The following LDLRAD4 variants were observed in gnomAD, a reference collection of about 807,000 sequenced individuals.
LDLRAD4 encodes the protein low density lipoprotein receptor class A domain containing 4, also known as low-density lipoprotein receptor class A domain-containing protein 4.
LDLRAD4 carries 5 observed loss-of-function variants against 17.0 expected under a neutral mutation model. The ratio of observed to expected loss-of-function variants is 0.29; its 90% confidence interval spans 0.15 to 0.62. LDLRAD4 has a LOEUF of 0.62. Among genes scored for constraint, LDLRAD4 ranks in the 20% least tolerant of loss-of-function variants. The pLI is 0.84. For synonymous variants in LDLRAD4, 168 were observed against 171.8 expected (o/e 0.98, Z 0.17); for missense variants, 340 against 424.7 (o/e 0.80, Z 1.75).
At chr18:13,588,914 CTTTTTTTTTTCTTTTT>C (rs2094970599) in intron 3 of LDLRAD4, among the ~76,000 whole-genome samples, 1 of 146,968 alleles carries the variant, frequency 6.8e-6, no homozygotes, top group African/African-American at 2.5e-5. Flanking sequence ...TTTTCCTTTT[CTTTTTTTTTTCTTTTT>C]TTCTTTTTTT....
At chr18:13,271,575 C>CAGGGCCTGGCATGTTCACT (rs1438554952) in intron 1 of LDLRAD4, among the ~76,000 whole-genome samples, 3 of 152,352 alleles carry the variant, frequency 2.0e-5, no homozygotes, top group Non-Finnish European at 2.9e-5. Context: ...GCATCTGACA[C>CAGGGCCTGGCATGTTCACT]AGGGCCTGGC....
chr18:13,275,984 C>A (rs906429489), upstream of LDLRAD4, among the ~76,000 whole-genome samples: 5 of 152,116 alleles, frequency 3.3e-5, no homozygotes, highest in African/African-American at 9.7e-5. Context: ...TATTATGTAA[C>A]CCATATTTAA....
At chr18:13,312,784 C>T (rs1303683014) in intron 1 of LDLRAD4, among the ~76,000 whole-genome samples, 1 of 152,050 alleles carries the variant, frequency 6.6e-6, no homozygotes, top group African/African-American at 2.4e-5. Context: ...AAACTGAGTT[C>T]AAGGTTAAAT....
At chr18:13,567,718 CT>C (rs1427030791) in intron 3 of LDLRAD4, among the ~76,000 whole-genome samples, 1 of 150,654 alleles carries the variant, frequency 6.6e-6, no homozygotes, top group African/African-American at 2.4e-5. Flanking sequence ...AGAAAGTTCC[CT>C]TTTGAAAATT....
chr18:13,540,842 G>A (rs184164510), intron 3 of LDLRAD4, among the ~76,000 whole-genome samples: 4 of 152,338 alleles, frequency 2.6e-5, no homozygotes, highest in East Asian at 1.9e-4. Flanking sequence ...TGTCTCGACC[G>A]TGTTTTTCTT....
intron 3 of LDLRAD4, among the ~76,000 whole-genome samples, chr18:13,505,664 A>T (rs2093678775): frequency 6.6e-6 from 1 of 152,014 alleles, no homozygotes. Flanking sequence ...TAAAAATACA[A>T]AATATTACCC....
chr18:13,368,032 A>T (rs1225092169), intron 1 of LDLRAD4, among the ~76,000 whole-genome samples: 2 of 152,112 alleles, frequency 1.3e-5, no homozygotes, highest in African/African-American at 4.8e-5. Context: ...CTGTCTCATA[A>T]AATAAAATAA....
intron 3 of LDLRAD4, among the ~76,000 whole-genome samples, chr18:13,571,408 C>T (rs1044194914): frequency 1.3e-4 from 20 of 152,122 alleles, no homozygotes; most frequent in Admixed American, 9.2e-4. Flanking sequence ...CTGCCATCTC[C>T]GTCCACAGCC....
At chr18:13,612,566 A>C in intron 3 of LDLRAD4, 2 of 1,450,938 alleles carry the variant, frequency 1.4e-6, no homozygotes, top group Non-Finnish European at 9.1e-7. Context: ...CTCCACGCTC[A>C]CACACTCTCC....
intron 1 of LDLRAD4, among the ~76,000 whole-genome samples, chr18:13,313,628 C>T (rs184470590): frequency 2.0e-5 from 3 of 152,342 alleles, no homozygotes; most frequent in East Asian, 1.9e-4. Context: ...TTGGCCCTTA[C>T]GTGTGGATGT....
In LDLRAD4 at chr18:13,354,097, T is replaced by A. The variant is rs1316767961; in HGVS notation, c.-382-33244T>A. On this transcript the variant is annotated intron_variant, in intron 1 of 5. Coordinates refer to ENST00000359446, the Ensembl canonical transcript of LDLRAD4. ...GGTGGTGCACACCTGTAGTCCCAGC[T>A]GCTTGGGAAGTTGAGTTGGGATGAT... is the stretch of plus-strand genomic sequence containing the variant. 2.6e-5 allele frequency among the ~76,000 whole-genome samples: 4 copies of A among 152,202 alleles called. No individual in the cohort carries two copies. In the East Asian group the frequency reaches 7.7e-4, roughly 29 times the overall value.
intron 3 of LDLRAD4, among the ~76,000 whole-genome samples, chr18:13,602,727 T>A (rs1306983494): frequency 2.6e-5 from 4 of 151,892 alleles, no homozygotes; most frequent in Non-Finnish European, 4.4e-5. Flanking sequence ...AGATTACAGG[T>A]GTGAGCCACT....
intron 3 of LDLRAD4, among the ~76,000 whole-genome samples, chr18:13,479,321 T>C (rs1161413469): frequency 6.6e-6 from 1 of 152,200 alleles, no homozygotes; most frequent in African/African-American, 2.4e-5. Context: ...AAAGACACTT[T>C]TAAGTCATTG....
chr18:13,527,177 G>T (rs1033165608), intron 3 of LDLRAD4, among the ~76,000 whole-genome samples: 1 of 152,254 alleles, frequency 6.6e-6, no homozygotes, highest in African/African-American at 2.4e-5. Flanking sequence ...AAGGCTGTGA[G>T]GCAGAGAAGC....
intron 3 of LDLRAD4, chr18:13,616,247 C>G (rs901540293): frequency 4.4e-5 from 2 of 45,038 alleles, no homozygotes; most frequent in African/African-American, 3.0e-4. Flanking sequence ...TGTGGGAGGA[C>G]AGGTGGGGGG....
At chr18:13,590,502 C>G (rs1445934824) in intron 3 of LDLRAD4, among the ~76,000 whole-genome samples, 1 of 152,222 alleles carries the variant, frequency 6.6e-6, no homozygotes, top group Non-Finnish European at 1.5e-5. Flanking sequence ...AGAATGTACA[C>G]GGCCCTGCAG....
chr18:13,266,573 A>G (rs2044231551), intron 1 of LDLRAD4, among the ~76,000 whole-genome samples: 2 of 152,092 alleles, frequency 1.3e-5, no homozygotes, highest in Admixed American at 1.3e-4. Flanking sequence ...CACAGCTGGG[A>G]ATCAGTTATG....
At chr18:13,439,373 G>T (rs2090878112) in intron 3 of LDLRAD4, among the ~76,000 whole-genome samples, 1 of 152,192 alleles carries the variant, frequency 6.6e-6, no homozygotes, top group Non-Finnish European at 1.5e-5. Context: ...AAATGACTGT[G>T]CTCTAGCAAA....
chr18:13,352,383 G>A (rs757534756), intron 1 of LDLRAD4, among the ~76,000 whole-genome samples: 4 of 137,762 alleles, frequency 2.9e-5, no homozygotes, highest in Non-Finnish European at 6.3e-5. Context: ...GGTTGTTTTT[G>A]TTTGTTTTAT....
Sources: allele counts gnomAD v4.1 joint callset (sites outside exome capture counted in the v4.1 genomes callset), GRCh38; gene constraint gnomAD v4.1.1; transcripts MANE v1.5; gene names NCBI Gene and HGNC (gene_info 2026-07-23, HGNC 2026-07-21).